CNTN4: variants seen among roughly 807,000 people sequenced by gnomAD.
CNTN4 encodes contactin-4.
Under a neutral mutation model 122.5 loss-of-function variants are expected in CNTN4, and 77 were observed. That is an observed-to-expected ratio of 0.63 (90% CI 0.52 to 0.76). The LOEUF is 0.76. CNTN4 is among the 30% of genes least tolerant of loss of function. The pLI is 0.00. For synonymous variants in CNTN4, 512 were observed against 447.0 expected (o/e 1.15, Z -1.83); for missense variants, 1,256 against 1,259.1 (o/e 1.00, Z 0.04).
intron 14 of CNTN4, among the ~76,000 whole-genome samples, chr3:3,024,611 A>T (rs566670378): frequency 6.6e-6 from 1 of 152,110 alleles, no homozygotes; most frequent in Non-Finnish European, 1.5e-5. Flanking sequence ...ACTTATCATG[A>T]TCTTTTCCTA....
rs55760208 is a variant in CNTN4 at position 2,108,165 on chromosome 3, CTT to C, written c.-145+7543_-145+7544del. On this transcript the variant is annotated intron_variant, in intron 2 of 24. Transcript: ENST00000418658. The stretch of plus-strand genomic sequence containing the variant: ...TCCTGGAACTTTTCATGTGCCTTTT[CTT>C]TTTTTTTTTTTTTTTTCATGACTGT... 7.9e-3 allele frequency among the ~76,000 whole-genome samples: 974 copies of C among 124,038 alleles called. 8 individuals are homozygous for C. The highest frequency in any genetic ancestry group is 0.012 in the Admixed American group (142 of 11,900). The allele number at this position is 124,038 out of a possible 152,430, so 81.4% of individuals were successfully genotyped here.
Position 2,170,212 on chromosome 3 carries a change from C to T in CNTN4, c.-145+69573C>T, listed in dbSNP as rs71309872. 2.2e-3 allele frequency among the ~76,000 whole-genome samples: 336 copies of T among 151,364 alleles called. 2 individuals carry two copies. The highest frequency in any genetic ancestry group is 6.5e-3 in the African/African-American group (269 of 41,280). ...GGCGGCGCCTGTAGTCCCAGCTACT[C>T]GGGAGGCTGAGGCGGGAGAATGGCG... is the stretch of plus-strand genomic sequence containing the variant. On this transcript the variant is annotated intron_variant, in intron 2 of 24. Transcript: ENST00000418658.
At chr3:2,342,856 T>G (rs563710048) in intron 3 of CNTN4, among the ~76,000 whole-genome samples, 1 of 152,320 alleles carries the variant, frequency 6.6e-6, no homozygotes, top group African/African-American at 2.4e-5. Context: ...TATACATGTA[T>G]AAGAAATACC....
intron 2 of CNTN4, among the ~76,000 whole-genome samples, chr3:2,263,356 T>C (rs1422134991): frequency 6.6e-6 from 1 of 152,124 alleles, no homozygotes; most frequent in Non-Finnish European, 1.5e-5. Context: ...TTTTATCATG[T>C]GAAATATGAC....
At chr3:2,706,859 G>C (rs1197383234) in intron 4 of CNTN4, among the ~76,000 whole-genome samples, 1 of 152,064 alleles carries the variant, frequency 6.6e-6, no homozygotes, top group Non-Finnish European at 1.5e-5. Context: ...TAAGGTCTCT[G>C]TGCCTCAGTT....
At chr3:2,588,785 TAAAAAAA>T (rs11334608) in intron 4 of CNTN4, among the ~76,000 whole-genome samples, 1 of 118,716 alleles carries the variant, frequency 8.4e-6, no homozygotes, top group Non-Finnish European at 1.7e-5. Context: ...CTTCCAGCTC[TAAAAAAA>T]AAAAAAAAAA....
intron 2 of CNTN4, among the ~76,000 whole-genome samples, chr3:2,314,890 C>T (rs913860773): frequency 6.6e-6 from 1 of 151,984 alleles, no homozygotes; most frequent in Non-Finnish European, 1.5e-5. Context: ...TTAACAGCTT[C>T]AGTGTTAATC....
intron 4 of CNTN4, among the ~76,000 whole-genome samples, chr3:2,662,779 G>A (rs2083962453): frequency 6.6e-6 from 1 of 152,148 alleles, no homozygotes; most frequent in African/African-American, 2.4e-5. Context: ...CAAGAGTAGA[G>A]ACCACCTGCG....
At chr3:2,900,574 T>C in intron 10 of CNTN4, 111 bp from the exon 11 acceptor site, 3 of 1,249,626 alleles carry the variant, frequency 2.4e-6, no homozygotes, top group Non-Finnish European at 2.3e-6. Flanking sequence ...GCATAACATC[T>C]GGAAAAGGAA....
intron 3 of CNTN4, among the ~76,000 whole-genome samples, chr3:2,518,325 A>G (rs554010714): frequency 6.6e-6 from 1 of 152,140 alleles, no homozygotes; most frequent in Non-Finnish European, 1.5e-5. Flanking sequence ...GTTGATTATA[A>G]TAGGATTTTT....
intron 3 of CNTN4, among the ~76,000 whole-genome samples, chr3:2,567,625 A>G (rs550555874): frequency 6.6e-6 from 1 of 152,188 alleles, no homozygotes; most frequent in Non-Finnish European, 1.5e-5. Flanking sequence ...GCTCTTTTAT[A>G]GATGGACCAC....
intron 3 of CNTN4, among the ~76,000 whole-genome samples, chr3:2,453,752 C>A (rs183869309): frequency 5.6e-4 from 85 of 152,128 alleles, no homozygotes; most frequent in African/African-American, 1.9e-3. Context: ...ATTTATAATG[C>A]ACAAAAGCAA....
chr3:2,215,980 A>G (rs2038822701), intron 2 of CNTN4, among the ~76,000 whole-genome samples: 1 of 151,614 alleles, frequency 6.6e-6, no homozygotes, highest in African/African-American at 2.4e-5. Context: ...CAGTATGGCA[A>G]TTCCTCAAAG....
At position 2,704,450 on chromosome 3, in the gene CNTN4, A is replaced by G. The variant is rs1462440740; in HGVS notation, c.56-31765A>G. Among the ~76,000 whole-genome samples, 4 of 152,160 alleles carry G rather than the reference A, an allele frequency of 2.6e-5. No homozygotes were observed. In the South Asian group the frequency reaches 6.2e-4, roughly 24 times the overall value. Reference sequence around the variant, plus strand: ...TCTAAAAGTAAAATCAATTTAAAAAATACAACAAAAATGATTTCCAATGGC... The same window carrying G: ...TCTAAAAGTAAAATCAATTTAAAAAGTACAACAAAAATGATTTCCAATGGC... On this transcript the variant is annotated intron_variant, in intron 4 of 24. Transcript: ENST00000418658.
At chr3:2,581,791 C>A (rs929127852) in intron 4 of CNTN4, among the ~76,000 whole-genome samples, 2 of 152,110 alleles carry the variant, frequency 1.3e-5, no homozygotes, top group Non-Finnish European at 2.9e-5. Context: ...ATGTGGTAGT[C>A]CCATACAGTG....
chr3:2,212,426 T>A (rs1357869647), intron 2 of CNTN4, among the ~76,000 whole-genome samples: 1 of 152,216 alleles, frequency 6.6e-6, no homozygotes, highest in Admixed American at 6.5e-5. Flanking sequence ...TGGAGAGACC[T>A]CACAATCGTG....
intron 3 of CNTN4, among the ~76,000 whole-genome samples, chr3:2,368,312 G>A (rs939325173): frequency 1.3e-5 from 2 of 152,100 alleles, no homozygotes; most frequent in African/African-American, 2.4e-5. Flanking sequence ...GATTACAGGC[G>A]TGAGCCACAG....
chr3:2,267,298 C>T (rs1486339117), intron 2 of CNTN4, among the ~76,000 whole-genome samples: 2 of 152,132 alleles, frequency 1.3e-5, no homozygotes, highest in Admixed American at 6.6e-5. Context: ...AATATCTCCT[C>T]TTCTCATAGG....
At chr3:2,341,789 A>G (rs1007410682) in intron 3 of CNTN4, among the ~76,000 whole-genome samples, 1 of 152,226 alleles carries the variant, frequency 6.6e-6, no homozygotes, top group African/African-American at 2.4e-5. Flanking sequence ...AAATTTGGAG[A>G]TTTTACATAA....
Sources: gnomAD v4.1 joint callset for allele counts (sites outside exome capture counted in the v4.1 genomes callset) on GRCh38, gnomAD v4.1.1 for gene constraint, MANE v1.5 for transcripts, NCBI Gene and HGNC (gene_info 2026-07-23, HGNC 2026-07-21) for gene names.